The following SPAG17 variants were observed in gnomAD, a reference collection of about 807,000 sequenced individuals.
SPAG17 encodes sperm associated antigen 17.
In SPAG17, 169 loss-of-function variants were observed where a neutral mutation model predicts 273.6. That is an observed-to-expected ratio of 0.62 (90% CI 0.55 to 0.70). The LOEUF (loss-of-function observed/expected upper bound fraction) is 0.70. SPAG17 is among the 30% of genes least tolerant of loss of function. SPAG17 has a pLI of 0.00. For missense variants in SPAG17, 2,557 were observed against 2,627.8 expected, an observed-to-expected ratio of 0.97 and a Z score of 0.59; for synonymous variants, 825 against 873.2, an observed-to-expected ratio of 0.94 and a Z score of 0.97.
chr1:118,108,324 G>A (rs1002507547), intron 4 of SPAG17, among the ~76,000 whole-genome samples: 1 of 152,128 alleles, frequency 6.6e-6, no homozygotes, highest in Admixed American at 6.6e-5. Context: ...CCAATCATAG[G>A]AAAATCATTT....
chr1:118,048,795 C>G (rs1176291355), intron 20 of SPAG17, among the ~76,000 whole-genome samples: 2 of 152,026 alleles, frequency 1.3e-5, no homozygotes, highest in Non-Finnish European at 2.9e-5. Context: ...ACTCGGGAGG[C>G]TGAGGCACAA....
At chr1:118,177,017 A>G (rs1423431323) in intron 1 of SPAG17, among the ~76,000 whole-genome samples, 1 of 152,188 alleles carries the variant, frequency 6.6e-6, no homozygotes, top group Non-Finnish European at 1.5e-5. Flanking sequence ...TGGAAAAACA[A>G]CATACTGAAA....
intron 18 of SPAG17, 96 bp downstream of exon 18, chr1:118,066,649 T>TA: frequency 7.0e-6 from 7 of 993,382 alleles, no homozygotes; most frequent in Non-Finnish European, 1.0e-5. Context: ...CTGAACCCCC[T>TA]AGCTTAGGGT....
At chr1:117,982,688 GTAATTTAAC>G (rs1231717041) in intron 42 of SPAG17, among the ~76,000 whole-genome samples, 2 of 152,132 alleles carry the variant, frequency 1.3e-5, no homozygotes, top group African/African-American at 2.4e-5. Context: ...GAAATTAACA[GTAATTTAAC>G]AATGTCCTCT....
intron 13 of SPAG17, among the ~76,000 whole-genome samples, chr1:118,085,719 G>C (rs1654943582): frequency 6.6e-6 from 1 of 152,180 alleles, no homozygotes; most frequent in African/African-American, 2.4e-5. Context: ...TCAAATTGAA[G>C]AGTGTTATGC....
At chr1:118,071,019 CT>C (rs926536057) in intron 17 of SPAG17, among the ~76,000 whole-genome samples, 103 of 147,040 alleles carry the variant, frequency 7.0e-4, no homozygotes, top group Admixed American at 7.5e-4. Flanking sequence ...GAAAATTAGA[CT>C]TTTTTTTTTT....
At chr1:118,181,176 CAA>C (rs1477455535) in intron 1 of SPAG17, among the ~76,000 whole-genome samples, 1 of 151,420 alleles carries the variant, frequency 6.6e-6, no homozygotes, top group Non-Finnish European at 1.5e-5. Flanking sequence ...ACATGTCACA[CAA>C]AAAAATCAAC....
chr1:118,167,788 G>T (rs1267761662), intron 1 of SPAG17, among the ~76,000 whole-genome samples: 1 of 152,166 alleles, frequency 6.6e-6, no homozygotes, highest in African/African-American at 2.4e-5. Context: ...AATCTCCGGT[G>T]TTGGAGGTGG....
chr1:118,120,446 T>A (rs990727682), intron 3 of SPAG17, among the ~76,000 whole-genome samples: 2 of 152,184 alleles, frequency 1.3e-5, no homozygotes, highest in Non-Finnish European at 2.9e-5. Context: ...CATTTAATCA[T>A]CCTATCACTC....
intron 48 of SPAG17, chr1:117,961,670 T>A (rs908660452): frequency 9.2e-5 from 14 of 152,212 alleles, no homozygotes; most frequent in Non-Finnish European, 1.2e-4. Context: ...TGCCGATTTG[T>A]GTCCCAAACC....
At position 117,992,499 on chromosome 1, in the gene SPAG17, A is replaced by G. The variant is rs1386132482; in HGVS notation, c.5328T>C (p.Asn1776=). 1.9e-6 allele frequency: 3 copies of G among 1,612,222 alleles called. No homozygotes were observed. Among genetic ancestry groups the G allele is most frequent in the Admixed American group, 1.7e-5 (1 of 59,602 alleles). The change falls in exon 36 of 49, where the codon AAT becomes AAC. Residue 1776 remains asparagine, a synonymous_variant. Transcript: ENST00000336338. ...AAACCTGCAGCCTCAGTTTCACCTC[A>G]TTCTTTATGACCTCATGCTGAATGA... The part of the protein sequence containing the change: ...RQFIQHEVIK[N]EVKLRLQVSL...
chr1:118,129,822 C>T (rs1657961019), intron 3 of SPAG17, among the ~76,000 whole-genome samples: 1 of 151,116 alleles, frequency 6.6e-6, no homozygotes, highest in Non-Finnish European at 1.5e-5. Flanking sequence ...CTTCCTCCTC[C>T]TCCTCTTCCT....
intron 3 of SPAG17, among the ~76,000 whole-genome samples, chr1:118,145,231 C>A (rs898746504): frequency 6.6e-6 from 1 of 152,148 alleles, no homozygotes; most frequent in Non-Finnish European, 1.5e-5. Flanking sequence ...AGGGCCACCC[C>A]CAATATAAGG....
Position 118,051,649 on chromosome 1 carries a change from G to T in SPAG17, c.2814+2353C>A, listed in dbSNP as rs1337034878. ...ATACTGCATTATGTATTATGTATGT[G>T]TATATACACAAAATACATAATATAT... On this transcript the variant is annotated intron_variant, in intron 20 of 48. Coordinates refer to ENST00000336338, the MANE Select transcript of SPAG17 (RefSeq NM_206996.4). Among the ~76,000 whole-genome samples, 7 of 146,662 alleles carry T rather than the reference G, an allele frequency of 4.8e-5. No individual in the cohort carries two copies. In the Admixed American group the frequency reaches 4.8e-4, roughly 10 times the overall value.
chr1:118,073,796 A>T, intron 17 of SPAG17, 58 bp downstream of exon 17: 3 of 1,158,790 alleles, frequency 2.6e-6, no homozygotes, highest in South Asian at 2.9e-5. Context: ...GTTCTAAATC[A>T]CAGCAGACTC....
At chr1:118,178,802 C>T (rs777640922) in intron 1 of SPAG17, among the ~76,000 whole-genome samples, 1 of 151,754 alleles carries the variant, frequency 6.6e-6, no homozygotes, top group Non-Finnish European at 1.5e-5. Flanking sequence ...ATCAGTAGCA[C>T]TTATATTCAC....
At chr1:118,138,821 A>T (rs768431607) in intron 3 of SPAG17, among the ~76,000 whole-genome samples, 12 of 152,220 alleles carry the variant, frequency 7.9e-5, no homozygotes, top group Non-Finnish European at 1.6e-4. Context: ...TACAATACTT[A>T]CTATGTATCA....
intron 3 of SPAG17, among the ~76,000 whole-genome samples, chr1:118,132,997 T>C (rs1378978106): frequency 6.6e-6 from 1 of 152,136 alleles, no homozygotes; most frequent in African/African-American, 2.4e-5. Flanking sequence ...GGTCTCGATC[T>C]CTTGCCGTCG....
At chr1:117,994,344 G>C in intron 35 of SPAG17, 62 bp downstream of exon 35, 1 of 1,514,930 alleles carries the variant, frequency 6.6e-7, no homozygotes, top group Non-Finnish European at 8.9e-7. Context: ...TAAGACTCTG[G>C]TCCATTGCCC....
Sources: allele counts gnomAD v4.1 joint callset (sites outside exome capture counted in the v4.1 genomes callset), GRCh38; gene constraint gnomAD v4.1.1; transcripts MANE v1.5; gene names NCBI Gene and HGNC (gene_info 2026-07-23, HGNC 2026-07-21).